Variants in TCF12 observed in about 807,000 individuals in gnomAD.
TCF12 encodes the protein DNA-binding protein HTF4.
TCF12 carries 45 observed loss-of-function variants against 86.0 expected under a neutral mutation model. That is an observed-to-expected ratio of 0.52 (90% CI 0.41 to 0.67). The LOEUF is 0.67. TCF12 is among the 30% of genes least tolerant of loss of function. The pLI, the probability that TCF12 is intolerant of heterozygous loss-of-function variation, is 0.00. For synonymous variants in TCF12, 330 were observed against 299.6 expected, an observed-to-expected ratio of 1.10 and a Z score of -1.05; for missense variants, 881 against 859.9, an observed-to-expected ratio of 1.02 and a Z score of -0.31.
intron 20 of TCF12, among the ~76,000 whole-genome samples, chr15:57,283,818 G>A (rs1226583338): frequency 6.6e-5 from 10 of 152,072 alleles, no homozygotes; most frequent in South Asian, 4.1e-4. Context: ...AGTTCCTACC[G>A]CCACTACATA....
At chr15:57,248,200 G>A in intron 13 of TCF12, 1 of 651,152 alleles carries the variant, frequency 1.5e-6, no homozygotes, top group East Asian at 2.7e-5. Context: ...TGGGCCTAAT[G>A]CAGTTGCTTG....
At chr15:56,924,724 G>A (rs1684565286) in intron 3 of TCF12, among the ~76,000 whole-genome samples, 1 of 152,116 alleles carries the variant, frequency 6.6e-6, no homozygotes. Flanking sequence ...CAGGTGTGTG[G>A]GGAAAAATAT....
At chr15:57,101,467 C>T (rs535327023) in intron 5 of TCF12, among the ~76,000 whole-genome samples, 2 of 152,296 alleles carry the variant, frequency 1.3e-5, no homozygotes, top group Non-Finnish European at 2.9e-5. Context: ...GGCTTGGCCT[C>T]TCAAAGTGCT....
rs1471783081 is a variant in TCF12 at position 57,280,159 on chromosome 15, G to A, written c.1979-2286G>A. Among the ~76,000 whole-genome samples the A allele has an allele frequency of 3.3e-5, 5 of 151,924 alleles. No homozygotes were observed. In the South Asian group the frequency reaches 1.0e-3, roughly 32 times the overall value. On this transcript the variant is annotated intron_variant, in intron 19 of 20. Coordinates refer to ENST00000333725, the MANE Select transcript of TCF12 (RefSeq NM_207037.2). ...CCTGTTTCGGCCTCCCAAAGTGCTG[G>A]GATTATAGGCATGAGCCACCACGCC...
intron 18 of TCF12, among the ~76,000 whole-genome samples, chr15:57,267,544 A>G (rs2060926922): frequency 6.6e-6 from 1 of 152,206 alleles, no homozygotes; most frequent in African/African-American, 2.4e-5. Flanking sequence ...TAAAGTCCCA[A>G]ATAGTGACTA....
chr15:57,247,049 A>G (rs2059896920), intron 13 of TCF12: 2 of 557,868 alleles, frequency 3.6e-6, no homozygotes, highest in Non-Finnish European at 7.0e-6. Flanking sequence ...TCATGGGTTC[A>G]TAGTTTGATT....
chr15:57,203,838 C>G (rs959131048), intron 8 of TCF12, among the ~76,000 whole-genome samples: 1 of 152,064 alleles, frequency 6.6e-6, no homozygotes, highest in Admixed American at 6.6e-5. Context: ...GCCTGAGCAA[C>G]CTAGTGAGAC....
intron 4 of TCF12, among the ~76,000 whole-genome samples, chr15:57,067,540 A>C (rs1271137425): frequency 3.1e-5 from 2 of 64,944 alleles, no homozygotes; most frequent in Non-Finnish European, 1.1e-4. Flanking sequence ...CTCCGTCTCA[A>C]AAAAAAAAAA....
intron 5 of TCF12, among the ~76,000 whole-genome samples, chr15:57,104,874 T>TG (rs2050033850): frequency 7.3e-6 from 1 of 136,498 alleles, no homozygotes; most frequent in Admixed American, 7.3e-5. Context: ...TTTTTTTTTT[T>TG]TTTTTTTTTT....
intron 6 of TCF12, among the ~76,000 whole-genome samples, chr15:57,177,347 G>C (rs1285897536): frequency 1.4e-5 from 2 of 145,768 alleles, no homozygotes; most frequent in African/African-American, 5.1e-5. Flanking sequence ...TTGGCTCCCT[G>C]CAACCTCTGC....
At chr15:57,005,513 C>G (rs565848147) in intron 3 of TCF12, among the ~76,000 whole-genome samples, 1 of 152,224 alleles carries the variant, frequency 6.6e-6, no homozygotes, top group East Asian at 1.9e-4. Flanking sequence ...GTATCCTCCT[C>G]TATATAACAG....
Position 57,157,569 on chromosome 15 carries a change from T to TC in TCF12, c.326-8831dup, listed in dbSNP as rs771765775. On this transcript the variant is annotated intron_variant, in intron 5 of 20. Coordinates refer to ENST00000333725, the MANE Select transcript of TCF12 (RefSeq NM_207037.2). Reference sequence around the variant, plus strand: ...AGTTTACTTCTTTTTTTTTTTTTTTTCCTTTTTTGAGTCGGAGTCTTGCTA... The same window carrying TC: ...AGTTTACTTCTTTTTTTTTTTTTTTTCCCTTTTTTGAGTCGGAGTCTTGCTA... Among the ~76,000 whole-genome samples, 470 of 149,664 alleles carry TC rather than the reference T, an allele frequency of 3.1e-3. 4 individuals carry two copies. Among genetic ancestry groups the TC allele is most frequent in the African/African-American group, 0.011 (455 of 40,400 alleles).
At chr15:57,007,679 T>C (rs530597625) in intron 3 of TCF12, among the ~76,000 whole-genome samples, 12 of 152,276 alleles carry the variant, frequency 7.9e-5, no homozygotes, top group Non-Finnish European at 1.8e-4. Context: ...CTGACTAATA[T>C]GATAAGTCTG....
At chr15:56,962,132 CAAAA>C (rs397853683) in intron 3 of TCF12, among the ~76,000 whole-genome samples, 15 of 63,022 alleles carry the variant, frequency 2.4e-4, no homozygotes, top group African/African-American at 7.1e-4. Context: ...GACTCCGTCT[CAAAA>C]AAAAAAAAAA....
At chr15:57,237,478 G>A (rs553164628) in intron 12 of TCF12, among the ~76,000 whole-genome samples, 1 of 152,102 alleles carries the variant, frequency 6.6e-6, no homozygotes. Flanking sequence ...ATAGGAGGAG[G>A]AGTCTCATTT....
At chr15:56,920,331 AGT>A (rs1465807843) in intron 2 of TCF12, among the ~76,000 whole-genome samples, 1 of 152,068 alleles carries the variant, frequency 6.6e-6, no homozygotes, top group Non-Finnish European at 1.5e-5. Flanking sequence ...TATATGAAAA[AGT>A]GTTGTTTTTT....
chr15:57,103,586 T>C (rs2049910861), intron 5 of TCF12, among the ~76,000 whole-genome samples: 1 of 152,214 alleles, frequency 6.6e-6, no homozygotes, highest in Non-Finnish European at 1.5e-5. Context: ...ATGTTAGCTC[T>C]ACCACAATGG....
chr15:57,244,822 T>TC (rs1174967276), intron 13 of TCF12, among the ~76,000 whole-genome samples: 2 of 152,072 alleles, frequency 1.3e-5, no homozygotes, highest in Non-Finnish European at 2.9e-5. Flanking sequence ...CTAAATACTA[T>TC]CCTACAGTAT....
chr15:57,053,258 T>A (rs2067763990), intron 3 of TCF12, among the ~76,000 whole-genome samples: 1 of 152,256 alleles, frequency 6.6e-6, no homozygotes, highest in Non-Finnish European at 1.5e-5. Flanking sequence ...TAGCCATTTG[T>A]ATGCCTTCTT....
Sources: allele counts gnomAD v4.1 joint callset (sites outside exome capture counted in the v4.1 genomes callset), GRCh38; gene constraint gnomAD v4.1.1; transcripts MANE v1.5; gene names NCBI Gene and HGNC (gene_info 2026-07-23, HGNC 2026-07-21).